The following FER variants were observed in gnomAD, a reference collection of about 807,000 sequenced individuals.
FER encodes the protein FER tyrosine kinase, also known as tyrosine-protein kinase Fer.
In FER, 63 loss-of-function variants were observed where a neutral mutation model predicts 111.0. That is an observed-to-expected ratio of 0.57 (90% confidence interval 0.46 to 0.70). FER has a LOEUF of 0.70. Ranked by LOEUF, FER falls within the 30% of genes least tolerant of loss-of-function variation. The pLI, the probability that FER is intolerant of heterozygous loss-of-function variation, is 0.00. For missense variants in FER, 914 were observed against 954.0 expected, an observed-to-expected ratio of 0.96 and a Z score of 0.55; for synonymous variants, 327 against 313.9, an observed-to-expected ratio of 1.04 and a Z score of -0.44.
At chr5:108,902,406 T>C (rs1750163295) in intron 10 of FER, among the ~76,000 whole-genome samples, 2 of 152,212 alleles carry the variant, frequency 1.3e-5, no homozygotes, top group Admixed American at 1.3e-4. Context: ...GTATTTCCCA[T>C]TAGTTTGTGG....
intron 14 of FER, 55 bp from the exon 15 acceptor site, chr5:109,044,625 C>A: frequency 2.3e-6 from 2 of 874,666 alleles, no homozygotes; most frequent in South Asian, 2.0e-5. Context: ...TTGTATTTGG[C>A]AAAGATATAC....
At chr5:108,795,951 C>T (rs932102251) in intron 2 of FER, among the ~76,000 whole-genome samples, 9 of 152,084 alleles carry the variant, frequency 5.9e-5, no homozygotes, top group African/African-American at 1.7e-4. Flanking sequence ...TCTGTACATT[C>T]GAGAGTTAGG....
intron 10 of FER, among the ~76,000 whole-genome samples, chr5:108,936,795 T>C (rs988987110): frequency 1.3e-5 from 2 of 152,024 alleles, no homozygotes; most frequent in Non-Finnish European, 2.9e-5. Context: ...CTTTTAGCTA[T>C]TTATAAGTAC....
At chr5:109,178,006 G>A (rs906835194) in intron 17 of FER, among the ~76,000 whole-genome samples, 2 of 152,142 alleles carry the variant, frequency 1.3e-5, no homozygotes, top group Non-Finnish European at 2.9e-5. Flanking sequence ...ACTCAGAACT[G>A]GGCAATAGTA....
At chr5:109,034,390 C>A (rs560146594) in intron 13 of FER, among the ~76,000 whole-genome samples, 1 of 151,994 alleles carries the variant, frequency 6.6e-6, no homozygotes, top group Non-Finnish European at 1.5e-5. Flanking sequence ...CTTTTCATTT[C>A]GAGGTTACTT....
intron 5 of FER, among the ~76,000 whole-genome samples, chr5:108,848,669 T>C (rs935052401): frequency 2.6e-5 from 4 of 152,090 alleles, no homozygotes; most frequent in Non-Finnish European, 5.9e-5. Context: ...TGTTACAAAC[T>C]ACACACTACA....
chr5:108,941,552 G>A (rs1345283429), intron 10 of FER, among the ~76,000 whole-genome samples: 1 of 152,084 alleles, frequency 6.6e-6, no homozygotes, highest in Non-Finnish European at 1.5e-5. Flanking sequence ...ATTAGTTTAA[G>A]TCAAGTAGAA....
chr5:108,974,634 T>A (rs1761099352), intron 13 of FER, among the ~76,000 whole-genome samples: 1 of 152,142 alleles, frequency 6.6e-6, no homozygotes, highest in Non-Finnish European at 1.5e-5. Context: ...TGTTAAGGAT[T>A]TTGTGATGGG....
intron 5 of FER, among the ~76,000 whole-genome samples, chr5:108,856,143 A>G (rs913758323): frequency 6.6e-6 from 1 of 152,146 alleles, no homozygotes; most frequent in Non-Finnish European, 1.5e-5. Flanking sequence ...CAGTTTATTC[A>G]TAGTAATAGC....
intron 16 of FER, among the ~76,000 whole-genome samples, chr5:109,069,851 G>A (rs539315513): frequency 6.6e-6 from 1 of 152,084 alleles, no homozygotes; most frequent in Non-Finnish European, 1.5e-5. Flanking sequence ...TGTAATGGAT[G>A]ATGAGTAAAA....
At chr5:108,993,097 G>A (rs1009417603) in intron 13 of FER, among the ~76,000 whole-genome samples, 53 of 152,046 alleles carry the variant, frequency 3.5e-4, no homozygotes, top group African/African-American at 1.2e-3. Context: ...CCAGACGATG[G>A]GCGGCCAAGC....
intron 3 of FER, among the ~76,000 whole-genome samples, chr5:108,799,560 C>G (rs917881745): frequency 2.0e-5 from 3 of 152,162 alleles, no homozygotes; most frequent in East Asian, 3.8e-4. Flanking sequence ...ACAAAAAATA[C>G]AGGACACCAT....
At position 109,060,652 on chromosome 5, in the gene FER, C is replaced by G. The variant is rs13357668; in HGVS notation, c.1924+13454C>G. Among the ~76,000 whole-genome samples, 832 of 151,932 alleles carry G rather than the reference C, an allele frequency of 5.5e-3. 11 individuals carry two copies. The highest frequency in any genetic ancestry group is 0.019 in the African/African-American group (767 of 41,376). On this transcript the variant is annotated intron_variant, in intron 16 of 19. Transcript: ENST00000281092. ...TGAGCTGAGATTGCATCACTGCACTCTGGCCTGGTGACAGAGTGAGACTCT... is the reference window on the plus strand; with the variant it reads ...TGAGCTGAGATTGCATCACTGCACTGTGGCCTGGTGACAGAGTGAGACTCT...
chr5:109,187,495 T>TA lies in FER; in HGVS notation c.2389_2390insA (p.Trp797Ter). Residue 797 changes from tryptophan to a stop codon, truncating the protein, a stop_gained and frameshift_variant, in exon 20 of 20, where the codon TGG becomes TAGG. Transcript: ENST00000281092. LOFTEE classifies it high-confidence loss of function. ...TATTTCCAAAATCATGATGAAGTGTTGGGATTATAAACCTGAAAATCGCCC... is the reference window on the plus strand; with the variant it reads ...TATTTCCAAAATCATGATGAAGTGTTAGGGATTATAAACCTGAAAATCGCCC... ...EDISKIMMKCWDYKPENRPKF... is the reference protein window; with the variant it reads ...EDISKIMMKC The TA allele has an allele frequency of 6.2e-7, 1 of 1,614,126 alleles. No homozygotes were observed. The highest frequency in any genetic ancestry group is 8.5e-7 in the Non-Finnish European group (1 of 1,179,994).
intron 17 of FER, among the ~76,000 whole-genome samples, chr5:109,138,265 T>C (rs1170522652): frequency 6.6e-6 from 1 of 152,158 alleles, no homozygotes; most frequent in Non-Finnish European, 1.5e-5. Flanking sequence ...TATCTTATTT[T>C]TTTTGTAGTG....
intron 2 of FER, among the ~76,000 whole-genome samples, chr5:108,791,587 T>C (rs561296277): frequency 1.7e-4 from 25 of 149,460 alleles, no homozygotes; most frequent in African/African-American, 3.9e-4. Flanking sequence ...TATATATATA[T>C]ACATATATAT....
chr5:108,769,028 C>T (rs1752616763), intron 2 of FER, among the ~76,000 whole-genome samples: 1 of 152,088 alleles, frequency 6.6e-6, no homozygotes, highest in Admixed American at 6.6e-5. Context: ...GGTTTTGCCA[C>T]ATTGGCCAGG....
intron 17 of FER, among the ~76,000 whole-genome samples, chr5:109,174,532 TC>T: frequency 6.6e-6 from 1 of 152,182 alleles, no homozygotes; most frequent in Non-Finnish European, 1.5e-5. Context: ...AGTTTATGGT[TC>T]CACTTCTGTT....
At chr5:108,999,288 T>G (rs947466615) in intron 13 of FER, among the ~76,000 whole-genome samples, 5 of 152,220 alleles carry the variant, frequency 3.3e-5, no homozygotes, top group African/African-American at 1.2e-4. Context: ...TATACAATTT[T>G]ACTATTCTGT....
Sources: allele counts gnomAD v4.1 joint callset (sites outside exome capture counted in the v4.1 genomes callset), GRCh38; gene constraint gnomAD v4.1.1; transcripts MANE v1.5; gene names NCBI Gene and HGNC (gene_info 2026-07-23, HGNC 2026-07-21).